The following ASTN2 variants were observed in gnomAD, a reference collection of about 807,000 sequenced individuals.
The protein encoded by ASTN2 is astrotactin-2.
In ASTN2, 54 loss-of-function variants were observed where a neutral mutation model predicts 139.8. That is an observed-to-expected ratio of 0.39 (90% CI 0.31 to 0.48). The LOEUF is 0.48. Ranked by LOEUF, ASTN2 falls within the 20% of genes least tolerant of loss-of-function variation. The probability of loss-of-function intolerance (pLI) is 0.95; values close to 1 mark genes in which losing one functional copy is unlikely to be tolerated. For synonymous variants in ASTN2, 756 were observed against 719.5 expected (o/e 1.05, Z -0.81); for missense variants, 1,565 against 1,725.1 (o/e 0.91, Z 1.64).
Position 116,434,347 on chromosome 9 carries a change from G to C in ASTN2, c.3782+6262C>G, listed in dbSNP as rs141693453. Among the ~76,000 whole-genome samples the C allele has an allele frequency of 2.0e-5, 3 of 152,294 alleles. No individual in the cohort carries two copies. The East Asian group carries it at 5.8e-4, about 29-fold the overall frequency. Reference sequence around the variant, plus strand: ...TTGTTCCCAATATCTTAAAAATTCTGAGAGTTAATTCAATATATCCAAAGA... The same window carrying C: ...TTGTTCCCAATATCTTAAAAATTCTCAGAGTTAATTCAATATATCCAAAGA... On this transcript the variant is annotated intron_variant, in intron 22 of 22. Coordinates refer to ENST00000313400, the MANE Select transcript of ASTN2 (RefSeq NM_001365068.1).
In ASTN2 at chr9:116,565,388, C is replaced by CTCTCTCTCTCTCTCT. The variant is rs1564120372; in HGVS notation, c.3355+52935_3355+52936insAGAGAGAGAGAGAGA. Among the ~76,000 whole-genome samples the CTCTCTCTCTCTCTCT allele has an allele frequency of 4.7e-4, 16 of 33,994 alleles. 2 individuals are homozygous for CTCTCTCTCTCTCTCT. The highest frequency in any genetic ancestry group is 1.4e-3 in the South Asian group (1 of 704). 22.3% of individuals were successfully genotyped at this position (33,994 alleles called of 152,430 possible). On this transcript the variant is annotated intron_variant, in intron 19 of 22. Coordinates refer to ENST00000313400, the MANE Select transcript of ASTN2 (RefSeq NM_001365068.1). ...CTCTCTCTCTCTCTCTCTCTCTCTC[C>CTCTCTCTCTCTCTCT]ATATATATATATATATATATATATA...
chr9:116,823,017 C>T (rs143300562), intron 11 of ASTN2, among the ~76,000 whole-genome samples: 4 of 152,260 alleles, frequency 2.6e-5, no homozygotes, highest in South Asian at 4.1e-4. Flanking sequence ...ACAAACCGAT[C>T]GATGCTGAGG....
At chr9:117,101,888 G>T (rs963811405) in intron 4 of ASTN2, among the ~76,000 whole-genome samples, 1 of 152,204 alleles carries the variant, frequency 6.6e-6, no homozygotes, top group Non-Finnish European at 1.5e-5. Context: ...AGCAGATGTT[G>T]GTGAGGTTGT....
At chr9:117,212,274 G>T (rs1200428650) in intron 3 of ASTN2, among the ~76,000 whole-genome samples, 1 of 152,036 alleles carries the variant, frequency 6.6e-6, no homozygotes, top group South Asian at 2.1e-4. Flanking sequence ...ATGAATCAAA[G>T]ACCTAAATGT....
At chr9:116,743,378 G>A (rs374675494) in intron 13 of ASTN2, among the ~76,000 whole-genome samples, 5 of 152,204 alleles carry the variant, frequency 3.3e-5, no homozygotes, top group Non-Finnish European at 7.4e-5. Flanking sequence ...GTGAAACCCC[G>A]CCTCTACTAA....
At chr9:116,529,997 G>A (rs1851253748) in intron 19 of ASTN2, among the ~76,000 whole-genome samples, 2 of 149,938 alleles carry the variant, frequency 1.3e-5, no homozygotes, top group Non-Finnish European at 1.5e-5. Context: ...TACGTCAAGG[G>A]GATATCTGCA....
intron 1 of ASTN2, among the ~76,000 whole-genome samples, chr9:117,411,121 G>A (rs550424398): frequency 6.6e-6 from 1 of 152,110 alleles, no homozygotes; most frequent in Non-Finnish European, 1.5e-5. Flanking sequence ...TTTGGATTAC[G>A]CGTTTGACCT....
chr9:116,511,303 G>A (rs1564330918), intron 19 of ASTN2, among the ~76,000 whole-genome samples: 1 of 152,106 alleles, frequency 6.6e-6, no homozygotes, highest in Admixed American at 6.5e-5. Context: ...GCTGGATTAT[G>A]TTTATTGATT....
At chr9:117,181,277 G>A in intron 3 of ASTN2, 1 of 456,664 alleles carries the variant, frequency 2.2e-6, no homozygotes, top group African/African-American at 2.0e-5. Flanking sequence ...TCAGAGATGG[G>A]GAAACTGAAG....
intron 19 of ASTN2, among the ~76,000 whole-genome samples, chr9:116,574,019 T>C (rs1197785203): frequency 6.6e-6 from 1 of 152,294 alleles, no homozygotes; most frequent in East Asian, 1.9e-4. Flanking sequence ...GAGTGAGACC[T>C]GGGAGAATCG....
At chr9:116,760,493 G>C (rs1308038059) in intron 13 of ASTN2, among the ~76,000 whole-genome samples, 3 of 152,190 alleles carry the variant, frequency 2.0e-5, no homozygotes, top group Non-Finnish European at 4.4e-5. Context: ...CCTAACCTTA[G>C]ACGTGAAAGC....
intron 7 of ASTN2, among the ~76,000 whole-genome samples, chr9:117,005,699 C>A (rs1837334218): frequency 6.6e-6 from 1 of 152,100 alleles, no homozygotes; most frequent in Non-Finnish European, 1.5e-5. Context: ...TGCTCATGAA[C>A]TTAAAGTGAC....
chr9:116,726,343 A>C (rs938513881), intron 15 of ASTN2, among the ~76,000 whole-genome samples: 1 of 152,222 alleles, frequency 6.6e-6, no homozygotes, highest in Non-Finnish European at 1.5e-5. Flanking sequence ...ACAATCATAT[A>C]TAATTTGACA....
chr9:117,178,942 C>T (rs551844311), intron 3 of ASTN2, among the ~76,000 whole-genome samples: 2 of 152,336 alleles, frequency 1.3e-5, no homozygotes, highest in East Asian at 1.9e-4. Flanking sequence ...CCCTCCAGCC[C>T]TCTCATAGCC....
chr9:116,990,654 A>G (rs1447529813), intron 7 of ASTN2, among the ~76,000 whole-genome samples: 1 of 152,166 alleles, frequency 6.6e-6, no homozygotes, highest in Non-Finnish European at 1.5e-5. Context: ...CCACTCTCAA[A>G]CAAACAAGCA....
At chr9:116,883,156 GATC>G (rs1241283395) in intron 10 of ASTN2, among the ~76,000 whole-genome samples, 2 of 152,200 alleles carry the variant, frequency 1.3e-5, no homozygotes, top group Non-Finnish European at 2.9e-5. Context: ...GTGAGGAAAT[GATC>G]ATCAACATAT....
At chr9:117,212,823 T>A (rs1233567597) in intron 3 of ASTN2, among the ~76,000 whole-genome samples, 2 of 152,178 alleles carry the variant, frequency 1.3e-5, no homozygotes, top group African/African-American at 2.4e-5. Flanking sequence ...AGAAAACTCA[T>A]ACACTGTCAT....
At chr9:117,022,015 G>A (rs1588488476) in intron 6 of ASTN2, among the ~76,000 whole-genome samples, 1 of 152,044 alleles carries the variant, frequency 6.6e-6, no homozygotes, top group East Asian at 1.9e-4. Flanking sequence ...CAACATATTA[G>A]CTTTGGATAT....
intron 16 of ASTN2, among the ~76,000 whole-genome samples, chr9:116,655,901 A>AT (rs1402002831): frequency 1.3e-5 from 2 of 151,302 alleles, no homozygotes; most frequent in African/African-American, 4.9e-5. Flanking sequence ...GTTGTTTTGT[A>AT]TTTTTTGGTA....
Sources: gnomAD v4.1 joint callset for allele counts (sites outside exome capture counted in the v4.1 genomes callset) on GRCh38, gnomAD v4.1.1 for gene constraint, MANE v1.5 for transcripts, NCBI Gene and HGNC (gene_info 2026-07-23, HGNC 2026-07-21) for gene names.